The following PMS1 variants were observed in gnomAD, a reference collection of about 807,000 sequenced individuals.
PMS1 encodes PMS1 protein homolog 1.
A neutral mutation model predicts 93.1 loss-of-function variants in PMS1; 79 were observed. The observed-to-expected ratio is 0.85, with a 90% confidence interval of 0.71 to 1.02. The LOEUF (loss-of-function observed/expected upper bound fraction) is 1.02. PMS1 is among the 50% of genes least tolerant of loss of function. The pLI, the probability that PMS1 is intolerant of heterozygous loss-of-function variation, is 0.00. For synonymous variants in PMS1, 335 were observed against 363.4 expected (o/e 0.92, Z 0.89); for missense variants, 1,064 against 1,085.3 (o/e 0.98, Z 0.28).
chr2:189,834,089 G>A (rs569679619), intron 5 of PMS1, among the ~76,000 whole-genome samples: 2 of 152,300 alleles, frequency 1.3e-5, no homozygotes, highest in African/African-American at 4.8e-5. Context: ...TTAAATGAGA[G>A]CATTCACAGC....
At chr2:189,860,637 A>T (rs1216098876) in intron 9 of PMS1, among the ~76,000 whole-genome samples, 1 of 151,980 alleles carries the variant, frequency 6.6e-6, no homozygotes, top group African/African-American at 2.4e-5. Flanking sequence ...TCTTTTGAAA[A>T]GTAATGAGAA....
intron 5 of PMS1, among the ~76,000 whole-genome samples, chr2:189,843,470 C>T (rs112310203): frequency 2.6e-3 from 395 of 152,346 alleles, no homozygotes; most frequent in African/African-American, 9.2e-3. Flanking sequence ...TAAGAATGCT[C>T]TTTCCGAAAT....
At position 189,829,142 on chromosome 2, in the gene PMS1, G is replaced by A. The variant is rs536844410; in HGVS notation, c.582+10962G>A. Among the ~76,000 whole-genome samples, 13 of 152,256 alleles carry A rather than the reference G, an allele frequency of 8.5e-5. No homozygotes were observed. The East Asian group carries it at 2.5e-3, about 29-fold the overall frequency. ...AATGCATCATTCATCCTCCCTTACTGTAGCTTCCTCCCACCAACTATACTC... is the reference window on the plus strand; with the variant it reads ...AATGCATCATTCATCCTCCCTTACTATAGCTTCCTCCCACCAACTATACTC... On this transcript the variant is annotated intron_variant, in intron 5 of 12. Transcript: ENST00000441310.
At chr2:189,851,226 G>A (rs1559299215) in intron 6 of PMS1, among the ~76,000 whole-genome samples, 1 of 152,074 alleles carries the variant, frequency 6.6e-6, no homozygotes, top group Non-Finnish European at 1.5e-5. Flanking sequence ...ATTATTAAGT[G>A]GCCAACCAAG....
chr2:189,853,510 C>G (rs562677304), intron 7 of PMS1, among the ~76,000 whole-genome samples: 7 of 142,114 alleles, frequency 4.9e-5, no homozygotes, highest in African/African-American at 2.0e-4. Context: ...CTTTTCTTTT[C>G]TTTTCTTTTC....
intron 4 of PMS1, among the ~76,000 whole-genome samples, chr2:189,815,950 C>G (rs1422006694): frequency 6.6e-6 from 1 of 152,166 alleles, no homozygotes; most frequent in Non-Finnish European, 1.5e-5. Context: ...GTCACCCGGG[C>G]TTGAGTGCAG....
chr2:189,828,034 C>T (rs903674724), intron 5 of PMS1, among the ~76,000 whole-genome samples: 8 of 152,120 alleles, frequency 5.3e-5, no homozygotes, highest in Non-Finnish European at 1.2e-4. Context: ...CGCCATTCTC[C>T]TGCCTCAGCC....
intron 5 of PMS1, among the ~76,000 whole-genome samples, chr2:189,834,610 G>A (rs1397529075): frequency 6.6e-5 from 10 of 152,186 alleles, no homozygotes; most frequent in Non-Finnish European, 1.5e-4. Flanking sequence ...ATTTGATTAC[G>A]AATTGGAAAT....
At chr2:189,860,435 T>G (rs1012687696) in intron 9 of PMS1, among the ~76,000 whole-genome samples, 13 of 152,062 alleles carry the variant, frequency 8.5e-5, no homozygotes, top group Non-Finnish European at 1.6e-4. Context: ...CAAAGAATAA[T>G]ATTCAGTTGT....
At chr2:189,846,022 C>T (rs943479983) in intron 6 of PMS1, among the ~76,000 whole-genome samples, 2 of 152,090 alleles carry the variant, frequency 1.3e-5, no homozygotes, top group African/African-American at 4.8e-5. Context: ...CTGCATCTGG[C>T]CCCATGCTCA....
At chr2:189,826,063 A>T (rs887011856) in intron 5 of PMS1, among the ~76,000 whole-genome samples, 2 of 152,168 alleles carry the variant, frequency 1.3e-5, no homozygotes, top group African/African-American at 4.8e-5. Flanking sequence ...CCTATAATAT[A>T]TATCCCCTGC....
chr2:189,812,257 C>T (rs1298933330), intron 4 of PMS1, among the ~76,000 whole-genome samples: 2 of 152,152 alleles, frequency 1.3e-5, no homozygotes, highest in African/African-American at 4.8e-5. Context: ...GCCGAGATCA[C>T]GCCACTGTAC....
intron 11 of PMS1, 24 bp from the exon 12 acceptor site, chr2:189,873,472 G>T: frequency 6.7e-7 from 1 of 1,503,668 alleles, no homozygotes; most frequent in Non-Finnish European, 9.2e-7. Flanking sequence ...ACTTAACTAT[G>T]TGTTTTTATT....
intron 3 of PMS1, among the ~76,000 whole-genome samples, chr2:189,797,381 A>C (rs2049456393): frequency 6.6e-6 from 1 of 152,194 alleles, no homozygotes; most frequent in African/African-American, 2.4e-5. Context: ...CCTCTGCCCC[A>C]GATCTTATAA....
At chr2:189,819,564 C>A (rs757005762) in intron 5 of PMS1, among the ~76,000 whole-genome samples, 1 of 152,134 alleles carries the variant, frequency 6.6e-6, no homozygotes, top group African/African-American at 2.4e-5. Flanking sequence ...TCCTTTTAAT[C>A]ATAGCCATTC....
At chr2:189,805,775 A>G in intron 4 of PMS1, 21 bp downstream of exon 4, 1 of 1,613,454 alleles carries the variant, frequency 6.2e-7, no homozygotes, top group Non-Finnish European at 8.5e-7. Flanking sequence ...AGCTTTGTAT[A>G]CAAACATTCT....
rs776086491 is a variant in PMS1 at position 189,867,836 on chromosome 2, A to T, written c.2380A>T (p.Lys794Ter). Reference sequence around the variant, plus strand: ...ATCTCATTATTTAGACGTTTTATATAAAATGACAGCAGATGACCAAAGATA... The same window carrying T: ...ATCTCATTATTTAGACGTTTTATATTAAATGACAGCAGATGACCAAAGATA... The part of the protein sequence containing the change: ...NGSHYLDVLY[K>*]MTADDQRYSG... Residue 794 changes from lysine to a stop codon, truncating the protein, a stop_gained, in exon 11 of 13, where the codon AAA becomes TAA. Coordinates refer to ENST00000441310, the MANE Select transcript of PMS1 (RefSeq NM_000534.5). LOFTEE classifies it high-confidence loss of function. 1.3e-6 allele frequency: 2 copies of T among 1,580,516 alleles called. No individual in the cohort carries two copies. Among genetic ancestry groups the T allele is most frequent in the Non-Finnish European group, 1.7e-6 (2 of 1,149,640 alleles).
chr2:189,785,733 T>TTTCC (rs2048261076), intron 1 of PMS1, among the ~76,000 whole-genome samples: 1 of 150,994 alleles, frequency 6.6e-6, no homozygotes, highest in African/African-American at 2.4e-5. Flanking sequence ...GAAGAAAGGC[T>TTTCC]TGAAGAGTTG....
chr2:189,845,449 C>T (rs138963881), intron 6 of PMS1, among the ~76,000 whole-genome samples: 321 of 151,808 alleles, frequency 2.1e-3, no homozygotes, highest in Non-Finnish European at 3.2e-3. Context: ...TGTAGTTTTT[C>T]GCTTTTTCTG....
Sources: gnomAD v4.1 joint callset for allele counts (sites outside exome capture counted in the v4.1 genomes callset) on GRCh38, gnomAD v4.1.1 for gene constraint, MANE v1.5 for transcripts, NCBI Gene and HGNC (gene_info 2026-07-23, HGNC 2026-07-21) for gene names.